Variants in C8orf34 observed in about 807,000 individuals in gnomAD.
C8orf34 encodes the protein chromosome 8 open reading frame 34.
Under a neutral mutation model 68.3 loss-of-function variants are expected in C8orf34, and 65 were observed. The observed-to-expected ratio is 0.95, with a 90% confidence interval of 0.78 to 1.17. C8orf34 has a LOEUF of 1.17. C8orf34 is among the 50% of genes most tolerant of loss of function. The pLI is 0.00. For synonymous variants in C8orf34, 244 were observed against 241.2 expected (o/e 1.01, Z -0.11); for missense variants, 664 against 655.4 (o/e 1.01, Z -0.14).
chr8:68,478,700 C>A (rs1372096849), intron 4 of C8orf34, among the ~76,000 whole-genome samples: 1 of 152,162 alleles, frequency 6.6e-6, no homozygotes, highest in Non-Finnish European at 1.5e-5. Context: ...GAAGCAGGCA[C>A]CTTCTTCACA....
chr8:68,339,534 T>A (rs183851303), intron 1 of C8orf34, among the ~76,000 whole-genome samples: 1 of 151,994 alleles, frequency 6.6e-6, no homozygotes, highest in African/African-American at 2.4e-5. Context: ...AGTTGTATTC[T>A]TATTTATGCA....
chr8:68,386,553 C>A (rs2591019), intron 1 of C8orf34, among the ~76,000 whole-genome samples: 18,138 of 152,186 alleles, frequency 0.12, 1,140 homozygotes, highest in African/African-American at 0.15. Context: ...TTAAACATTG[C>A]ATGGGTTGTC....
intron 4 of C8orf34, among the ~76,000 whole-genome samples, chr8:68,477,130 G>A (rs1410829557): frequency 6.6e-6 from 1 of 152,136 alleles, no homozygotes; most frequent in Non-Finnish European, 1.5e-5. Context: ...TGATAAAGGG[G>A]TGTCTATTTT....
At chr8:68,675,516 G>A (rs1820157514) in intron 8 of C8orf34, among the ~76,000 whole-genome samples, 1 of 151,854 alleles carries the variant, frequency 6.6e-6, no homozygotes, top group South Asian at 2.1e-4. Context: ...ATTGTCGAAA[G>A]TTTAAAATAA....
chr8:68,430,975 AC>A (rs1810429138), intron 1 of C8orf34, among the ~76,000 whole-genome samples: 1 of 152,118 alleles, frequency 6.6e-6, no homozygotes, highest in African/African-American at 2.4e-5. Flanking sequence ...TCTACTCCTT[AC>A]CACAAACTGA....
At chr8:68,368,421 A>T (rs1488442283) in intron 1 of C8orf34, among the ~76,000 whole-genome samples, 1 of 152,052 alleles carries the variant, frequency 6.6e-6, no homozygotes, top group Non-Finnish European at 1.5e-5. Context: ...TTCATGAAAA[A>T]TATGAAAAAT....
chr8:68,486,127 C>A (rs1164855033), intron 4 of C8orf34, among the ~76,000 whole-genome samples: 1 of 152,048 alleles, frequency 6.6e-6, no homozygotes, highest in Non-Finnish European at 1.5e-5. Flanking sequence ...TTCTAAATGA[C>A]CATTTGTAAT....
At chr8:68,652,506 T>C (rs1819391867) in intron 8 of C8orf34, among the ~76,000 whole-genome samples, 1 of 152,204 alleles carries the variant, frequency 6.6e-6, no homozygotes. Flanking sequence ...CCCAAAGATT[T>C]ATTCCTATGT....
At chr8:68,640,565 C>G (rs1818976812) in intron 8 of C8orf34, 54 bp downstream of exon 8, 2 of 1,526,188 alleles carry the variant, frequency 1.3e-6, no homozygotes, top group Non-Finnish European at 1.8e-6. Context: ...TTTTTAAAAT[C>G]TAAGATTTTG....
intron 8 of C8orf34, among the ~76,000 whole-genome samples, chr8:68,671,243 T>C (rs1264610782): frequency 6.6e-6 from 1 of 152,174 alleles, no homozygotes; most frequent in Admixed American, 6.5e-5. Context: ...TATTAATAAT[T>C]GCTTTACAAA....
At chr8:68,420,410 A>G (rs2138675) in intron 1 of C8orf34, among the ~76,000 whole-genome samples, 140,371 of 152,242 alleles carry the variant, frequency 0.92, 64,889 homozygotes, top group African/African-American at 0.98. Context: ...AAATGATTGT[A>G]GATTTTGTGG....
intron 7 of C8orf34, 102 bp downstream of exon 7, chr8:68,533,251 G>C: frequency 7.0e-7 from 1 of 1,436,222 alleles, no homozygotes; most frequent in Admixed American, 2.9e-5. Flanking sequence ...CCTTGTCTTA[G>C]GGAAAAGAAA....
intron 7 of C8orf34, among the ~76,000 whole-genome samples, chr8:68,554,953 C>A (rs1197301552): frequency 1.3e-5 from 2 of 152,232 alleles, no homozygotes; most frequent in South Asian, 2.1e-4. Context: ...GACATGCTCT[C>A]TATTTGGTAG....
chr8:68,731,061 C>T (rs1821963979), intron 10 of C8orf34, among the ~76,000 whole-genome samples: 1 of 152,138 alleles, frequency 6.6e-6, no homozygotes, highest in African/African-American at 2.4e-5. Flanking sequence ...CCTTATAGCT[C>T]TGACTATGAC....
At chr8:68,426,875 A>G (rs1810250653) in intron 1 of C8orf34, among the ~76,000 whole-genome samples, 1 of 83,406 alleles carries the variant, frequency 1.2e-5, no homozygotes, top group South Asian at 3.1e-4. Context: ...GTCTAAAAAA[A>G]AACCAAACCA....
intron 10 of C8orf34, among the ~76,000 whole-genome samples, chr8:68,760,988 T>C (rs1823008690): frequency 6.6e-6 from 1 of 152,206 alleles, no homozygotes; most frequent in African/African-American, 2.4e-5. Flanking sequence ...AGCTGTAAAA[T>C]AGAAGTATTT....
chr8:68,429,842 C>G (rs1810380090), intron 1 of C8orf34, among the ~76,000 whole-genome samples: 1 of 152,124 alleles, frequency 6.6e-6, no homozygotes, highest in Non-Finnish European at 1.5e-5. Context: ...TGACAACAGG[C>G]AAAAGTGAAC....
chr8:68,561,757 C>A (rs904033077), intron 7 of C8orf34, among the ~76,000 whole-genome samples: 4 of 152,022 alleles, frequency 2.6e-5, no homozygotes, highest in African/African-American at 9.7e-5. Flanking sequence ...GACTTCATCT[C>A]AAAAGAAAAA....
intron 8 of C8orf34, among the ~76,000 whole-genome samples, chr8:68,699,544 T>A (rs1372429829): frequency 1.3e-5 from 2 of 152,118 alleles, no homozygotes; most frequent in Non-Finnish European, 2.9e-5. Flanking sequence ...CCAAGGTATG[T>A]GAGTCAGAGG....
Sources: gnomAD v4.1 joint callset for allele counts (sites outside exome capture counted in the v4.1 genomes callset) on GRCh38, gnomAD v4.1.1 for gene constraint, MANE v1.5 for transcripts, NCBI Gene and HGNC (gene_info 2026-07-23, HGNC 2026-07-21) for gene names.